Variants in TDRD10 observed in about 807,000 individuals in gnomAD.
The protein encoded by TDRD10 is tudor domain-containing protein 10.
In TDRD10, 40 loss-of-function variants were observed where a neutral mutation model predicts 48.0. The observed-to-expected ratio is 0.83, with a 90% CI of 0.65 to 1.09. TDRD10 has a LOEUF of 1.09. Among genes scored for constraint, TDRD10 ranks in the 50% least tolerant of loss-of-function variants. The pLI is 0.00. For missense variants in TDRD10, 378 were observed against 434.7 expected (o/e 0.87, Z 1.16); for synonymous variants, 162 against 170.4 (o/e 0.95, Z 0.38).
chr1:154,532,818 T>G (rs1027788680), intron 6 of TDRD10, among the ~76,000 whole-genome samples: 10 of 152,142 alleles, frequency 6.6e-5, no homozygotes, highest in Non-Finnish European at 1.3e-4. Context: ...TGCTGCCAGG[T>G]GAGGATGGAA....
chr1:154,530,398 C>CT (rs111392341), intron 6 of TDRD10, among the ~76,000 whole-genome samples: 2,100 of 120,722 alleles, frequency 0.017, 26 homozygotes, highest in Middle Eastern at 0.028. Flanking sequence ...TGGTTTCCTT[C>CT]TTTTTTTTTT....
intron 6 of TDRD10, among the ~76,000 whole-genome samples, chr1:154,538,989 G>A (rs913812683): frequency 1.3e-5 from 2 of 152,184 alleles, no homozygotes; most frequent in Non-Finnish European, 2.9e-5. Context: ...TTTACCGTAT[G>A]AACTCATTTA....
At chr1:154,544,146 GCCTTCCTGC>G in intron 9 of TDRD10, 36 bp downstream of exon 9, 1 of 1,613,608 alleles carries the variant, frequency 6.2e-7, no homozygotes. Flanking sequence ...AGGCTCCTGT[GCCTTCCTGC>G]GTGGCCTCCC....
rs139506310 is a variant in TDRD10 at position 154,506,287 on chromosome 1, C to T, written c.-27-590C>T. Among the ~76,000 whole-genome samples, 1,040 of 152,232 alleles carry T rather than the reference C, an allele frequency of 6.8e-3. 7 individuals are homozygous for T. Among genetic ancestry groups the T allele is most frequent in the Middle Eastern group, 0.034 (10 of 294 alleles). On this transcript the variant is annotated intron_variant, in intron 1 of 12. Coordinates refer to ENST00000368482, the MANE Select transcript of TDRD10 (RefSeq NM_182499.4). ...GAGGCTGCCAGCATTCCATGGCTTG[C>T]GGCCCCTTCCTCCATCTTCAAAGCT... is the stretch of plus-strand genomic sequence containing the variant.
intron 4 of TDRD10, 143 bp from the exon 5 acceptor site, chr1:154,520,161 A>T: frequency 3.3e-6 from 2 of 613,440 alleles, no homozygotes. Context: ...ATCCTACAAA[A>T]CATGGCACGT....
chr1:154,540,236 A>G (rs1162083784), intron 6 of TDRD10, among the ~76,000 whole-genome samples: 1 of 152,076 alleles, frequency 6.6e-6, no homozygotes, highest in Non-Finnish European at 1.5e-5. Flanking sequence ...AGAGATGGTG[A>G]GTACTGGGGT....
At chr1:154,507,722 CAT>C (rs1465743074) in intron 3 of TDRD10, among the ~76,000 whole-genome samples, 1 of 152,212 alleles carries the variant, frequency 6.6e-6, no homozygotes, top group Non-Finnish European at 1.5e-5. Context: ...TTCATTATTT[CAT>C]AGTTTGGCCT....
intron 7 of TDRD10, among the ~76,000 whole-genome samples, 189 bp downstream of exon 7, chr1:154,542,255 TCTTC>T (rs1448613717): frequency 3.3e-5 from 5 of 152,162 alleles, no homozygotes; most frequent in Admixed American, 3.3e-4. Context: ...TGAGACAAGA[TCTTC>T]CTCTGTCACC....
At position 154,547,489 on chromosome 1, in the gene TDRD10, C is replaced by T; in HGVS notation, c.1023+10C>T. ...TGCTTTGAACTCGGCGGTAACTGCT[C>T]CTGCATCTAACTTGGCTGTTGTCCC... On this transcript the variant is annotated intron_variant, in intron 12 of 12. Transcript: ENST00000368482. 6.2e-7 allele frequency: 1 copy of T among 1,614,224 alleles called. No homozygotes were observed.
At chr1:154,525,864 C>A (rs1245080179) in intron 6 of TDRD10, among the ~76,000 whole-genome samples, 1 of 140,120 alleles carries the variant, frequency 7.1e-6, no homozygotes, top group Non-Finnish European at 1.5e-5. Flanking sequence ...CCACTGCACT[C>A]CAGCCTGGGC....
At chr1:154,521,288 T>G (rs1358176112) in intron 5 of TDRD10, 35 bp from the exon 6 acceptor site, 1 of 1,609,188 alleles carries the variant, frequency 6.2e-7, no homozygotes, top group Non-Finnish European at 8.5e-7. Context: ...TCTGGAGATG[T>G]GCTCAAAGCC....
intron 4 of TDRD10, among the ~76,000 whole-genome samples, chr1:154,509,397 A>T (rs181639055): frequency 6.6e-6 from 1 of 152,242 alleles, no homozygotes; most frequent in Admixed American, 6.5e-5. Flanking sequence ...TAAATGCTTT[A>T]TTCATGTGGT....
intron 6 of TDRD10, among the ~76,000 whole-genome samples, chr1:154,539,446 G>C (rs1695104863): frequency 6.6e-6 from 1 of 152,060 alleles, no homozygotes; most frequent in African/African-American, 2.4e-5. Context: ...TGGATTACAG[G>C]CACCCGCCAC....
intron 11 of TDRD10, among the ~76,000 whole-genome samples, chr1:154,546,840 T>C (rs1695618826): frequency 6.6e-6 from 1 of 152,160 alleles, no homozygotes; most frequent in Non-Finnish European, 1.5e-5. Context: ...TCATACTTAA[T>C]AGCAAGAAAA....
chr1:154,538,373 A>G (rs1695032390), intron 6 of TDRD10, among the ~76,000 whole-genome samples: 1 of 150,588 alleles, frequency 6.6e-6, no homozygotes, highest in Admixed American at 6.6e-5. Flanking sequence ...CCAAGGGGAA[A>G]CCCGGTCTCT....
At chr1:154,522,923 C>A (rs1430164967) in intron 6 of TDRD10, among the ~76,000 whole-genome samples, 2 of 149,492 alleles carry the variant, frequency 1.3e-5, no homozygotes, top group African/African-American at 4.9e-5. Flanking sequence ...ACCATTGTAT[C>A]TTTTTTTTTT....
At chr1:154,534,950 G>A (rs1485928759) in intron 6 of TDRD10, among the ~76,000 whole-genome samples, 1 of 152,094 alleles carries the variant, frequency 6.6e-6, no homozygotes, top group Non-Finnish European at 1.5e-5. Context: ...GATAATGAAT[G>A]GGAAAATAAA....
At chr1:154,526,572 C>G (rs975639395) in intron 6 of TDRD10, among the ~76,000 whole-genome samples, 7 of 152,048 alleles carry the variant, frequency 4.6e-5, no homozygotes, top group Non-Finnish European at 8.8e-5. Context: ...TCTCCTGCCT[C>G]AGTCTCTCGA....
intron 6 of TDRD10, among the ~76,000 whole-genome samples, chr1:154,524,998 T>C (rs1443007960): frequency 6.6e-6 from 1 of 152,186 alleles, no homozygotes; most frequent in Non-Finnish European, 1.5e-5. Context: ...TGCTGCCCAA[T>C]GAGACTGCCA....
Sources: gnomAD v4.1 joint callset for allele counts (sites outside exome capture counted in the v4.1 genomes callset) on GRCh38, gnomAD v4.1.1 for gene constraint, MANE v1.5 for transcripts, NCBI Gene and HGNC (gene_info 2026-07-23, HGNC 2026-07-21) for gene names.